Variants in KCNH8 observed in about 807,000 individuals in gnomAD.
The protein encoded by KCNH8 is potassium voltage-gated channel subfamily H member 8, also known as voltage-gated delayed rectifier potassium channel KCNH8.
A neutral mutation model predicts 103.6 loss-of-function variants in KCNH8; 70 were observed. That is an observed-to-expected ratio of 0.68 (90% CI 0.56 to 0.82). The LOEUF is 0.82. Among genes scored for constraint, KCNH8 ranks in the 40% least tolerant of loss-of-function variants. KCNH8 has a pLI of 0.00. For synonymous variants in KCNH8, 498 were observed against 489.4 expected (o/e 1.02, Z -0.23); for missense variants, 1,217 against 1,329.9 (o/e 0.92, Z 1.32).
At chr3:19,223,946 T>C (rs1426417560) in intron 1 of KCNH8, among the ~76,000 whole-genome samples, 3 of 152,152 alleles carry the variant, frequency 2.0e-5, no homozygotes, top group Non-Finnish European at 4.4e-5. Context: ...GAGGGAAAGA[T>C]GTAAAATAAG....
intron 7 of KCNH8, among the ~76,000 whole-genome samples, chr3:19,401,743 C>G (rs1213321998): frequency 6.6e-6 from 1 of 151,340 alleles, no homozygotes; most frequent in Non-Finnish European, 1.5e-5. Flanking sequence ...ATAGCAATGT[C>G]CAATTATGAA....
intron 3 of KCNH8, among the ~76,000 whole-genome samples, chr3:19,292,400 G>C (rs887731549): frequency 6.6e-6 from 1 of 152,178 alleles, no homozygotes; most frequent in Non-Finnish European, 1.5e-5. Flanking sequence ...TAAGTGGCAA[G>C]CTGCAGCAGG....
intron 2 of KCNH8, among the ~76,000 whole-genome samples, chr3:19,268,693 C>T (rs528778675): frequency 9.2e-5 from 14 of 152,084 alleles, no homozygotes; most frequent in Non-Finnish European, 1.8e-4. Context: ...TGAAGACCAG[C>T]AGCATCAGCA....
At chr3:19,392,194 G>T (rs185099380) in intron 6 of KCNH8, among the ~76,000 whole-genome samples, 12 of 149,898 alleles carry the variant, frequency 8.0e-5, no homozygotes, top group Admixed American at 4.0e-4. Flanking sequence ...AGTCTAATTC[G>T]CATGTTTGAT....
chr3:19,196,814 ATGTT>A (rs2063607154), intron 1 of KCNH8, among the ~76,000 whole-genome samples: 1 of 152,040 alleles, frequency 6.6e-6, no homozygotes, highest in Admixed American at 6.6e-5. Context: ...TATATGCTTT[ATGTT>A]TGTTTGAGGG....
chr3:19,172,671 C>T (rs941760089), intron 1 of KCNH8, among the ~76,000 whole-genome samples: 2 of 152,134 alleles, frequency 1.3e-5, no homozygotes, highest in Non-Finnish European at 2.9e-5. Flanking sequence ...ATATTGACCT[C>T]AGCTCCATTT....
intron 11 of KCNH8, among the ~76,000 whole-genome samples, chr3:19,473,357 C>A (rs1395531468): frequency 6.6e-6 from 1 of 152,192 alleles, no homozygotes; most frequent in East Asian, 1.9e-4. Flanking sequence ...AACAAGAGGA[C>A]AAGTAAGGTG....
At chr3:19,491,170 T>C (rs1278009172) in intron 11 of KCNH8, among the ~76,000 whole-genome samples, 1 of 152,188 alleles carries the variant, frequency 6.6e-6, no homozygotes, top group Non-Finnish European at 1.5e-5. Flanking sequence ...TGAGTGTGTG[T>C]GTGAATGGAG....
intron 2 of KCNH8, among the ~76,000 whole-genome samples, chr3:19,277,418 G>A (rs1237679068): frequency 6.6e-6 from 1 of 152,012 alleles, no homozygotes; most frequent in African/African-American, 2.4e-5. Flanking sequence ...TTTAAAACTA[G>A]CCAGGCGTGG....
At chr3:19,392,166 G>T (rs1054036864) in intron 6 of KCNH8, among the ~76,000 whole-genome samples, 5 of 150,378 alleles carry the variant, frequency 3.3e-5, no homozygotes, top group Non-Finnish European at 7.4e-5. Context: ...AATTAACATG[G>T]ATGAAGAAAT....
intron 5 of KCNH8, among the ~76,000 whole-genome samples, chr3:19,376,081 A>G (rs1391799972): frequency 6.6e-6 from 1 of 152,164 alleles, no homozygotes; most frequent in African/African-American, 2.4e-5. Flanking sequence ...CCAGAGGTGG[A>G]GCCTACAGAG....
At chr3:19,168,847 C>A (rs986103899) in intron 1 of KCNH8, among the ~76,000 whole-genome samples, 3 of 152,126 alleles carry the variant, frequency 2.0e-5, no homozygotes, top group African/African-American at 7.2e-5. Context: ...TTTCATCACT[C>A]CAATAAAAAA....
At chr3:19,478,637 G>C (rs1367611825) in intron 11 of KCNH8, among the ~76,000 whole-genome samples, 2 of 152,062 alleles carry the variant, frequency 1.3e-5, no homozygotes, top group South Asian at 2.1e-4. Flanking sequence ...TGGCCAACTG[G>C]ATCTCCATTC....
At position 19,276,579 on chromosome 3, in the gene KCNH8, A is replaced by T. The variant is rs576798391; in HGVS notation, c.311-4619A>T. On this transcript the variant is annotated intron_variant, in intron 2 of 15. Coordinates refer to ENST00000328405, the MANE Select transcript of KCNH8 (RefSeq NM_144633.3). The stretch of plus-strand genomic sequence containing the variant: ...TCATGACAGCACAGTCATTAAAGAG[A>T]GTGGGACCACTCACAACTCAGTTTT... Among the ~76,000 whole-genome samples, 24 of 152,206 alleles carry T rather than the reference A, an allele frequency of 1.6e-4. No individual in the cohort carries two copies. In the South Asian group the frequency reaches 4.2e-3, roughly 26 times the overall value.
At chr3:19,474,201 A>G (rs779993912) in intron 11 of KCNH8, among the ~76,000 whole-genome samples, 5 of 152,196 alleles carry the variant, frequency 3.3e-5, no homozygotes, top group Admixed American at 6.5e-5. Context: ...TTAAATTTAA[A>G]TTTAAAACAA....
intron 1 of KCNH8, among the ~76,000 whole-genome samples, chr3:19,230,889 C>T (rs538606502): frequency 2.0e-5 from 3 of 152,238 alleles, no homozygotes; most frequent in Admixed American, 1.3e-4. Flanking sequence ...TGGAAATGTC[C>T]TTACCATTTG....
At chr3:19,532,020 G>A (rs1264548515) in intron 15 of KCNH8, among the ~76,000 whole-genome samples, 2 of 152,200 alleles carry the variant, frequency 1.3e-5, no homozygotes, top group Non-Finnish European at 2.9e-5. Context: ...ATACATGTGT[G>A]TGTCCTGCTT....
intron 3 of KCNH8, among the ~76,000 whole-genome samples, chr3:19,287,099 T>C (rs1346940450): frequency 6.7e-6 from 1 of 149,604 alleles, no homozygotes; most frequent in Non-Finnish European, 1.5e-5. Context: ...AATATATTGA[T>C]GGTAATGCAA....
intron 8 of KCNH8, among the ~76,000 whole-genome samples, chr3:19,442,508 C>T (rs546144502): frequency 2.0e-5 from 3 of 152,208 alleles, no homozygotes; most frequent in South Asian, 4.1e-4. Context: ...TAGGTAGGTG[C>T]GACACTGATC....
Sources: allele counts gnomAD v4.1 joint callset (sites outside exome capture counted in the v4.1 genomes callset), GRCh38; gene constraint gnomAD v4.1.1; transcripts MANE v1.5; gene names NCBI Gene and HGNC (gene_info 2026-07-23, HGNC 2026-07-21).